MBOAT2: variants seen among roughly 807,000 people sequenced by gnomAD.
MBOAT2 encodes membrane-bound glycerophospholipid O-acyltransferase 2.
Under a neutral mutation model 63.4 loss-of-function variants are expected in MBOAT2, and 28 were observed. The ratio of observed to expected loss-of-function variants is 0.44; its 90% confidence interval spans 0.33 to 0.61. MBOAT2 has a LOEUF of 0.61. Ranked by LOEUF, MBOAT2 falls within the 20% of genes least tolerant of loss-of-function variation. The pLI is 0.03. For synonymous variants in MBOAT2, 211 were observed against 215.6 expected (o/e 0.98, Z 0.19); for missense variants, 470 against 605.8 (o/e 0.78, Z 2.35).
At chr2:8,879,016 C>A (rs1327924127) in intron 6 of MBOAT2, among the ~76,000 whole-genome samples, 1 of 144,392 alleles carries the variant, frequency 6.9e-6, no homozygotes, top group Non-Finnish European at 1.5e-5. Context: ...GCGGAGCTTG[C>A]AGTGAGCCGA....
chr2:8,918,810 G>GT (rs1412556321), intron 3 of MBOAT2, among the ~76,000 whole-genome samples: 2 of 152,138 alleles, frequency 1.3e-5, no homozygotes, highest in African/African-American at 4.8e-5. Flanking sequence ...TTTACTTATT[G>GT]TAAGTGTATA....
rs1317694550 is a variant in MBOAT2, at chr2:8,857,683, A to C, written c.*996T>G. The stretch of plus-strand genomic sequence containing the variant: ...AGCGATTTCTCTTTCAAAACCTTTG[A>C]GCAACCTACCAGTATTATTTTCAAA... On this transcript the variant is annotated 3_prime_UTR_variant, in exon 13 of 13. Transcript: ENST00000305997. 6.6e-6 allele frequency: 1 copy of C among 152,230 alleles called. No homozygotes were observed. The highest frequency in any genetic ancestry group is 2.4e-5 in the African/African-American group (1 of 41,460). The allele number at this position is 152,230 out of a possible 1,614,324, so 9.4% of individuals were successfully genotyped here. A position where few individuals can be genotyped will look rare whatever the true frequency, so the allele number is the denominator to read the frequency against.
At chr2:8,984,646 AAAAT>A (rs1163344462) in intron 1 of MBOAT2, among the ~76,000 whole-genome samples, 1 of 152,172 alleles carries the variant, frequency 6.6e-6, no homozygotes, top group African/African-American at 2.4e-5. Flanking sequence ...GAAAGCTCTA[AAAAT>A]AAATAAAGAA....
intron 5 of MBOAT2, among the ~76,000 whole-genome samples, chr2:8,886,566 A>C (rs1663568031): frequency 6.6e-6 from 1 of 152,234 alleles, no homozygotes; most frequent in South Asian, 2.1e-4. Flanking sequence ...GTACTGAAGC[A>C]AACTGGAAGA....
At chr2:8,933,663 T>C (rs1667475049) in intron 3 of MBOAT2, among the ~76,000 whole-genome samples, 1 of 152,176 alleles carries the variant, frequency 6.6e-6, no homozygotes, top group African/African-American at 2.4e-5. Context: ...TTTTAATTGA[T>C]TAATTTGGGG....
At chr2:8,889,238 C>T (rs1426092121) in intron 4 of MBOAT2, among the ~76,000 whole-genome samples, 1 of 152,222 alleles carries the variant, frequency 6.6e-6, no homozygotes, top group African/African-American at 2.4e-5. Context: ...GCTCGAACTG[C>T]TGCCTCTCGC....
chr2:8,985,953 TA>T (rs1671532843), intron 1 of MBOAT2, among the ~76,000 whole-genome samples: 1 of 151,700 alleles, frequency 6.6e-6, no homozygotes, highest in South Asian at 2.1e-4. Context: ...AAAGTGGGAG[TA>T]AAAAGAGAAA....
chr2:8,944,622 G>A (rs1034731492), intron 2 of MBOAT2, among the ~76,000 whole-genome samples: 3 of 149,718 alleles, frequency 2.0e-5, no homozygotes, highest in African/African-American at 7.5e-5. Context: ...CCACTGTACA[G>A]AATAGGTCAG....
chr2:8,858,941 T>C, intron 12 of MBOAT2, 37 bp from the exon 13 acceptor site: 1 of 1,457,384 alleles, frequency 6.9e-7, no homozygotes, highest in Non-Finnish European at 9.4e-7. Flanking sequence ...TAAAACTTGA[T>C]AATTAATAAT....
chr2:8,928,323 C>T (rs1363078781), intron 3 of MBOAT2, among the ~76,000 whole-genome samples: 1 of 152,192 alleles, frequency 6.6e-6, no homozygotes, highest in African/African-American at 2.4e-5. Flanking sequence ...CAGCACTAGA[C>T]AAGAGAGTTA....
chr2:8,906,925 G>A (rs1002298393), intron 4 of MBOAT2, among the ~76,000 whole-genome samples: 28 of 152,212 alleles, frequency 1.8e-4, no homozygotes, highest in Admixed American at 2.6e-4. Flanking sequence ...AGATGTGGCT[G>A]AAGCAAGACT....
At chr2:8,885,266 C>T (rs1458095731) in intron 5 of MBOAT2, among the ~76,000 whole-genome samples, 1 of 152,132 alleles carries the variant, frequency 6.6e-6, no homozygotes, top group Non-Finnish European at 1.5e-5. Context: ...GCGATAGTGG[C>T]ACCTTTGGTT....
intron 1 of MBOAT2, among the ~76,000 whole-genome samples, chr2:8,960,715 T>C (rs1461016059): frequency 6.6e-6 from 1 of 152,214 alleles, no homozygotes; most frequent in African/African-American, 2.4e-5. Flanking sequence ...TCATCTCTTT[T>C]CAACATTGTC....
intron 4 of MBOAT2, among the ~76,000 whole-genome samples, chr2:8,895,001 G>C (rs2148562657): frequency 6.6e-6 from 1 of 152,366 alleles, no homozygotes; most frequent in South Asian, 2.1e-4. Flanking sequence ...TGGGTTCGTG[G>C]TCTTGCTGAC....
At chr2:8,940,128 A>G (rs776760352) in intron 3 of MBOAT2, among the ~76,000 whole-genome samples, 1 of 152,018 alleles carries the variant, frequency 6.6e-6, no homozygotes, top group Non-Finnish European at 1.5e-5. Context: ...AAAACTGCCA[A>G]TGGGGCACAC....
At chr2:8,895,606 A>T (rs1664397251) in intron 4 of MBOAT2, among the ~76,000 whole-genome samples, 1 of 152,220 alleles carries the variant, frequency 6.6e-6, no homozygotes, top group African/African-American at 2.4e-5. Context: ...CACCCAACCC[A>T]GAAGCCCAGC....
intron 2 of MBOAT2, among the ~76,000 whole-genome samples, chr2:8,954,510 T>A (rs774268397): frequency 3.3e-5 from 5 of 151,264 alleles, no homozygotes; most frequent in Non-Finnish European, 7.4e-5. Context: ...CCACCGAGAA[T>A]GCAGGATTGT....
chr2:8,921,835 T>C lies in MBOAT2; in HGVS notation c.300-13119A>G, dbSNP rs1445151793. 2.6e-5 allele frequency among the ~76,000 whole-genome samples: 4 copies of C among 152,318 alleles called. No individual in the cohort carries two copies. The South Asian group carries it at 8.3e-4, about 32-fold the overall frequency. On this transcript the variant is annotated intron_variant, in intron 3 of 12. Transcript: ENST00000305997. ...TCTCCTCGTCTTTGTCTTTCAGCAG[T>C]AGGACTTAGTGAAGATCTGTTTGTG...
At chr2:8,905,368 C>G (rs1665252420) in intron 4 of MBOAT2, among the ~76,000 whole-genome samples, 1 of 152,042 alleles carries the variant, frequency 6.6e-6, no homozygotes, top group African/African-American at 2.4e-5. Flanking sequence ...AAAACAAGAG[C>G]CTTCAAGTTC....
Sources: allele counts gnomAD v4.1 joint callset (sites outside exome capture counted in the v4.1 genomes callset), GRCh38; gene constraint gnomAD v4.1.1; transcripts MANE v1.5; gene names NCBI Gene and HGNC (gene_info 2026-07-23, HGNC 2026-07-21).